The following BID variants were observed in gnomAD, a reference collection of about 807,000 sequenced individuals.
BID encodes BH3-interacting domain death agonist.
BID carries 19 observed loss-of-function variants against 17.4 expected under a neutral mutation model. That is an observed-to-expected ratio of 1.09 (90% CI 0.76 to 1.60). BID has a LOEUF of 1.60. Ranked by LOEUF, BID falls within the 40% of genes most tolerant of loss-of-function variation. The pLI is 0.00. For missense variants in BID, 226 were observed against 256.0 expected (o/e 0.88, Z 0.80); for synonymous variants, 108 against 102.8 (o/e 1.05, Z -0.31).
chr22:17,757,165 A>G (rs1395984631), intron 1 of BID, among the ~76,000 whole-genome samples: 5 of 152,074 alleles, frequency 3.3e-5, no homozygotes, highest in Admixed American at 3.3e-4. Context: ...CTGTAATCCC[A>G]GCACTTTGGG....
At chr22:17,746,006 A>C (rs2061492923) in intron 2 of BID, among the ~76,000 whole-genome samples, 1 of 151,970 alleles carries the variant, frequency 6.6e-6, no homozygotes, top group South Asian at 2.1e-4. Context: ...TAAATAAATA[A>C]ATAAAAATAA....
At chr22:17,756,457 TTCTTTCTTTCTTTCTTTCTTTTC>T (rs1569047767) in intron 1 of BID, among the ~76,000 whole-genome samples, 3 of 113,798 alleles carry the variant, frequency 2.6e-5, no homozygotes, top group Admixed American at 1.6e-4. Flanking sequence ...CTTTCTTTCT[TTCTTTCTTTCTTTCTTTCTTTTC>T]TTTCTTTCTT....
At chr22:17,754,872 C>T (rs564163012) in intron 1 of BID, among the ~76,000 whole-genome samples, 11 of 152,158 alleles carry the variant, frequency 7.2e-5, no homozygotes, top group African/African-American at 2.6e-4. Context: ...TCTAGCGATT[C>T]TCCTGCCTTA....
At position 17,739,381 on chromosome 22, in the gene BID, G is replaced by A. The variant is rs755001149; in HGVS notation, c.331C>T (p.Leu111=). 7 of 1,605,710 alleles carry A rather than the reference G, an allele frequency of 4.4e-6. No homozygotes were observed. The highest frequency in any genetic ancestry group is 5.1e-6 in the Non-Finnish European group (6 of 1,177,718). The change falls in exon 4 of 6, where the codon CTG becomes TTG. Residue 111 remains leucine, a synonymous_variant. Transcript: ENST00000622694. The part of the protein sequence containing the change: ...IPPGLVNGLA[L]QLRNTSRSEE... ...GACCGGCTGGTGTTCCTGAGCTGCA[G>A]GGCCAGGCCGTTCACCAGGCCCGGA...
chr22:17,756,449 T>C (rs374289978), intron 1 of BID, among the ~76,000 whole-genome samples: 5 of 123,120 alleles, frequency 4.1e-5, no homozygotes, highest in African/African-American at 7.7e-5. Flanking sequence ...CTTTCTTTCT[T>C]TCTTTCTTTC....
intron 5 of BID, among the ~76,000 whole-genome samples, chr22:17,737,813 G>A (rs2145871636): frequency 6.6e-6 from 1 of 152,294 alleles, no homozygotes; most frequent in South Asian, 2.1e-4. Context: ...ATAGTAAGCT[G>A]CTAAAGCTCC....
At chr22:17,739,001 A>G (rs142327689) in intron 4 of BID, among the ~76,000 whole-genome samples, 1 of 152,172 alleles carries the variant, frequency 6.6e-6, no homozygotes, top group Non-Finnish European at 1.5e-5. Flanking sequence ...AGCAGCAGGC[A>G]CCACTCCCAG....
In BID at chr22:17,773,102, G is replaced by C. The variant is rs1324587319; in HGVS notation, c.-59+1279C>G. Among the ~76,000 whole-genome samples the C allele has an allele frequency of 2.6e-5, 4 of 152,050 alleles. No homozygotes were observed. The highest frequency in any genetic ancestry group is 5.9e-5 in the Non-Finnish European group (4 of 68,004). On this transcript the variant is annotated intron_variant, in intron 1 of 5. Transcript: ENST00000622694. This position sits in a 1 kb window ranked among gnomAD's most constrained non-coding sequence, Gnocchi z 4.4. ...ATCCCTGCCTTTAAACCCCAGCCAC[G>C]AACTGCTGACCCCGCATTTCCTCTT...
At chr22:17,736,365 G>A (rs2061419557) in intron 5 of BID, among the ~76,000 whole-genome samples, 1 of 151,622 alleles carries the variant, frequency 6.6e-6, no homozygotes, top group Non-Finnish European at 1.5e-5. Context: ...GCTGAGGCAG[G>A]AGAATCGCTT....
chr22:17,774,489 C>A, upstream of BID: 1 of 272,950 alleles, frequency 3.7e-6, no homozygotes. Flanking sequence ...CGCGCGCTTC[C>A]TCCTTCGGCC....
chr22:17,762,952 T>A (rs1402985556), intron 1 of BID, among the ~76,000 whole-genome samples: 1 of 150,148 alleles, frequency 6.7e-6, no homozygotes, highest in Non-Finnish European at 1.5e-5. Flanking sequence ...TCTTGCCTCA[T>A]TACATCCTCC....
intron 1 of BID, among the ~76,000 whole-genome samples, chr22:17,753,935 T>C (rs5992811): frequency 1.4e-3 from 171 of 122,528 alleles, no homozygotes; most frequent in Middle Eastern, 5.8e-3. Flanking sequence ...GACATTCCCC[T>C]AGTCTCCAGG....
chr22:17,755,060 C>G (rs2145899867), intron 1 of BID, among the ~76,000 whole-genome samples: 1 of 150,590 alleles, frequency 6.6e-6, no homozygotes, highest in South Asian at 2.1e-4. Context: ...CCGTGCCTGG[C>G]CTGAATTTCT....
In BID at chr22:17,769,711, G is replaced by C. The variant is rs896686966; in HGVS notation, c.-59+4670C>G. 4.6e-5 allele frequency among the ~76,000 whole-genome samples: 7 copies of C among 152,174 alleles called. No individual in the cohort carries two copies. The highest frequency in any genetic ancestry group is 7.4e-5 in the Non-Finnish European group (5 of 68,018). ...CGGTGCCTTACTGACTCCACACACAGAGGCAGCTGGGTCCAGGAGGCAGCC... is the reference window on the plus strand; with the variant it reads ...CGGTGCCTTACTGACTCCACACACACAGGCAGCTGGGTCCAGGAGGCAGCC... On this transcript the variant is annotated intron_variant, in intron 1 of 5. Coordinates refer to ENST00000622694, the MANE Select transcript of BID (RefSeq NM_001196.4). This position sits in a 1 kb window ranked among gnomAD's most constrained non-coding sequence, Gnocchi z 4.8.
rs1013269481 is a variant in BID at position 17,769,745 on chromosome 22, C to T, written c.-59+4636G>A. Among the ~76,000 whole-genome samples, 11 of 152,168 alleles carry T rather than the reference C, an allele frequency of 7.2e-5. No individual in the cohort carries two copies. The highest frequency in any genetic ancestry group is 1.0e-4 in the Non-Finnish European group (7 of 68,012). ...GGGTCCAGGAGGCAGCCATCCCAAA[C>T]GCAGTGACCTCCAGCACCCAAAGCT... On this transcript the variant is annotated intron_variant, in intron 1 of 5. Transcript: ENST00000622694. This position sits in a 1 kb window ranked among gnomAD's most constrained non-coding sequence, Gnocchi z 4.8.
intron 1 of BID, among the ~76,000 whole-genome samples, chr22:17,765,779 T>C (rs2061673881): frequency 6.6e-6 from 1 of 152,202 alleles, no homozygotes; most frequent in Non-Finnish European, 1.5e-5. Context: ...TGTATATATA[T>C]GTAACAAACC....
intron 1 of BID, among the ~76,000 whole-genome samples, chr22:17,771,888 T>C (rs543151548): frequency 6.6e-6 from 1 of 152,218 alleles, no homozygotes; most frequent in African/African-American, 2.4e-5. Context: ...CCTTGGAATC[T>C]GGGCTGCCTC....
At chr22:17,763,249 C>CT (rs34804063) in intron 1 of BID, among the ~76,000 whole-genome samples, 74,994 of 146,540 alleles carry the variant, frequency 0.51, 20,344 homozygotes, top group East Asian at 0.74. Context: ...TTAATTATAA[C>CT]TTTTTTTTTT....
intron 1 of BID, among the ~76,000 whole-genome samples, chr22:17,768,926 C>T (rs926006049): frequency 4.7e-5 from 7 of 148,168 alleles, no homozygotes; most frequent in African/African-American, 1.5e-4. Context: ...CCTGTAGTCC[C>T]AGCTACTCAG....
Sources: allele counts gnomAD v4.1 joint callset (sites outside exome capture counted in the v4.1 genomes callset), GRCh38; gene constraint gnomAD v4.1.1; non-coding constraint Gnocchi (gnomAD v3.1); transcripts MANE v1.5; gene names NCBI Gene and HGNC (gene_info 2026-07-23, HGNC 2026-07-21).